Variants in CCDC57 observed in about 807,000 individuals in gnomAD.
The protein encoded by CCDC57 is coiled-coil domain containing 57, also known as coiled-coil domain-containing protein 57.
CCDC57 carries 118 observed loss-of-function variants against 118.9 expected under a neutral mutation model. The ratio of observed to expected loss-of-function variants is 0.99; its 90% CI spans 0.86 to 1.16. The LOEUF (loss-of-function observed/expected upper bound fraction) is 1.16. Ranked by LOEUF, CCDC57 falls within the 50% of genes most tolerant of loss-of-function variation. The pLI is 0.00. For missense variants in CCDC57, 1,300 were observed against 1,320.7 expected (o/e 0.98, Z 0.24); for synonymous variants, 527 against 532.9 (o/e 0.99, Z 0.15).
chr17:82,186,444 C>T (rs528367152), intron 8 of CCDC57, among the ~76,000 whole-genome samples: 3 of 152,144 alleles, frequency 2.0e-5, no homozygotes, highest in Non-Finnish European at 2.9e-5. Context: ...CCCCGTATAC[C>T]GACCACAGAG....
In CCDC57 at chr17:82,172,250, G is replaced by A. The variant is rs551617226; in HGVS notation, c.1729+388C>T. On this transcript the variant is annotated intron_variant, in intron 12 of 19. Transcript: ENST00000665763. The surrounding 1 kb of genome is among the most constrained non-coding windows in gnomAD (Gnocchi z 5.2). ...GCCACTCATGGGGTCCCTGGGGGTC[G>A]GGAGGCCCTCATCAGCTCTGCCACA... Among the ~76,000 whole-genome samples the A allele has an allele frequency of 3.3e-5, 5 of 152,294 alleles. No homozygotes were observed. The South Asian group carries it at 1.0e-3, about 32-fold the overall frequency.
intron 15 of CCDC57, chr17:82,153,599 G>A (rs1414995258): frequency 1.3e-5 from 2 of 152,184 alleles, no homozygotes; most frequent in African/African-American, 2.4e-5. Context: ...TACTTCTCTC[G>A]GATTCAGTTT....
intron 4 of CCDC57, among the ~76,000 whole-genome samples, chr17:82,197,453 T>C (rs58119191): frequency 0.76 from 114,893 of 152,152 alleles, 44,139 homozygotes; most frequent in East Asian, 0.93. Flanking sequence ...TTCCAGAACA[T>C]TGAGGAGAAA....
chr17:82,141,002 ATTAT>A (rs1225896132), intron 16 of CCDC57, among the ~76,000 whole-genome samples: 7 of 151,348 alleles, frequency 4.6e-5, no homozygotes, highest in Admixed American at 1.3e-4. Context: ...ATTATTTATT[ATTAT>A]TTATTTATTT....
chr17:82,113,682 C>T (rs1023721080), intron 19 of CCDC57: 1 of 716,140 alleles, frequency 1.4e-6, no homozygotes, highest in Non-Finnish European at 2.6e-6. Flanking sequence ...CCTGTCATCT[C>T]AGCACTTTGG....
intron 11 of CCDC57, among the ~76,000 whole-genome samples, chr17:82,176,935 G>C (rs563922545): frequency 1.1e-4 from 16 of 151,578 alleles, no homozygotes; most frequent in Non-Finnish European, 2.2e-4. Context: ...ATTGGCATTT[G>C]CCTTGGCTAA....
chr17:82,127,987 T>C (rs2037720908), intron 18 of CCDC57, 79 bp from the exon 18 acceptor site: 2 of 1,549,518 alleles, frequency 1.3e-6, no homozygotes, highest in Non-Finnish European at 1.7e-6. Flanking sequence ...ACCACTCCCC[T>C]CGGAGCAGTA....
chr17:82,183,245 T>TG (rs2046428562), intron 9 of CCDC57, among the ~76,000 whole-genome samples: 1 of 152,220 alleles, frequency 6.6e-6, no homozygotes, highest in Admixed American at 6.5e-5. Flanking sequence ...TGAATGTGTA[T>TG]GGGAAATAGA....
intron 4 of CCDC57, among the ~76,000 whole-genome samples, chr17:82,196,093 G>C (rs563171984): frequency 6.6e-6 from 1 of 152,212 alleles, no homozygotes; most frequent in African/African-American, 2.4e-5. Flanking sequence ...ACTCTGACAA[G>C]AATGGCTGCG....
At position 82,103,482 on chromosome 17, in the gene CCDC57, C is replaced by A. The variant is rs570629773; in HGVS notation, c.2900-1616G>T. Among the ~76,000 whole-genome samples, 15 of 152,336 alleles carry A rather than the reference C, an allele frequency of 9.8e-5. No homozygotes were observed. The South Asian group carries it at 1.2e-3, about 13-fold the overall frequency. On this transcript the variant is annotated intron_variant, in intron 19 of 19. Transcript: ENST00000665763. ...CGCCCCCATCCCCACTCCCTCCCCC[C>A]ACCCCCCACACTGGCTGGCAGAGGG...
chr17:82,106,877 C>T (rs2034885335), intron 19 of CCDC57, among the ~76,000 whole-genome samples: 1 of 152,200 alleles, frequency 6.6e-6, no homozygotes, highest in Admixed American at 6.5e-5. Context: ...CCCATGGGGC[C>T]TTCCCAGGTC....
intron 4 of CCDC57, 38 bp downstream of exon 3, chr17:82,198,276 G>A (rs2048543829): frequency 1.5e-6 from 2 of 1,298,492 alleles, no homozygotes; most frequent in African/African-American, 3.0e-5. Context: ...GGGCAGGCAG[G>A]GAAAGCACCC....
intron 2 of CCDC57, among the ~76,000 whole-genome samples, chr17:82,206,309 T>C (rs1374139707): frequency 6.6e-6 from 1 of 152,228 alleles, no homozygotes; most frequent in Non-Finnish European, 1.5e-5. Flanking sequence ...ACATCATGGT[T>C]TTCTTGCACA....
intron 3 of CCDC57, among the ~76,000 whole-genome samples, chr17:82,200,444 C>G (rs2048858888): frequency 6.6e-6 from 1 of 152,120 alleles, no homozygotes; most frequent in Non-Finnish European, 1.5e-5. Context: ...AAATGACTTT[C>G]TATGATAAGA....
At chr17:82,164,059 A>T (rs1282606612) in intron 13 of CCDC57, among the ~76,000 whole-genome samples, 5 of 151,944 alleles carry the variant, frequency 3.3e-5, no homozygotes, top group African/African-American at 2.4e-5. Context: ...CAGAAAAATA[A>T]ATTTAAAAAG....
exon 20 of CCDC57, chr17:82,101,597 A>G: frequency 2.5e-6 from 3 of 1,186,076 alleles, no homozygotes; most frequent in Non-Finnish European, 2.4e-6. Flanking sequence ...CTGTGCCCAC[A>G]CCCCCCCACA....
intron 19 of CCDC57, chr17:82,113,442 AG>A (rs1222847081): frequency 1.4e-6 from 1 of 717,654 alleles, no homozygotes; most frequent in Non-Finnish European, 2.6e-6. Context: ...GAGAAACAAG[AG>A]AGCAGGGTCC....
chr17:82,163,348 G>A lies in CCDC57; in HGVS notation c.1892C>T (p.Ala631Val), dbSNP rs371026072. Residue 631 changes from alanine (A) to valine (V), a missense_variant, in exon 14 of 20, where the codon GCC (alanine) becomes GTC (valine). Ala to Val is a moderately conservative substitution (Grantham distance 64, BLOSUM62 0). Transcript: ENST00000665763. ...AGACCCTCCGGCTTGACCAGCTTGG[G>A]CAGACCCTCCTGCAGAGAAGAGTGG... 2.8e-5 allele frequency: 45 copies of A among 1,613,804 alleles called. No individual in the cohort carries two copies. In the African/African-American group the frequency reaches 5.9e-4, roughly 21 times the overall value.
chr17:82,163,064 G>GAA, intron 14 of CCDC57, 136 bp downstream of exon 13: 1 of 1,112,972 alleles, frequency 9.0e-7, no homozygotes, highest in South Asian at 1.4e-5. Flanking sequence ...CCCTTCCTCA[G>GAA]AAAAAAACAG....
Sources: gnomAD v4.1 joint callset for allele counts (sites outside exome capture counted in the v4.1 genomes callset) on GRCh38, gnomAD v4.1.1 for gene constraint, Gnocchi (gnomAD v3.1) non-coding constraint, MANE v1.5 for transcripts, NCBI Gene and HGNC (gene_info 2026-07-23, HGNC 2026-07-21) for gene names.